FAM221A: variants seen among roughly 807,000 people sequenced by gnomAD.
The protein encoded by FAM221A is family with sequence similarity 221 member A.
FAM221A carries 43 observed loss-of-function variants against 37.6 expected under a neutral mutation model. The ratio of observed to expected loss-of-function variants is 1.15; its 90% CI spans 0.90 to 1.48. FAM221A has a LOEUF of 1.48. FAM221A is among the 40% of genes most tolerant of loss of function. FAM221A has a pLI of 0.00. For missense variants in FAM221A, 361 were observed against 361.5 expected, an observed-to-expected ratio of 1.00 and a Z score of 0.01; for synonymous variants, 135 against 132.9, an observed-to-expected ratio of 1.02 and a Z score of -0.11.
Position 23,702,119 on chromosome 7 carries a change from G to A in FAM221A, c.852G>A (p.Lys284=). The part of the protein sequence containing the change: ...QERMKMEKAA[K]WKGKAPLPSA... ...AGATGAAAATGGAAAAGGCTGCTAA[G>A]TGGAAAGGAAAAGCTCCATTGCCAT... Residue 284 remains lysine (K), a synonymous_variant, in exon 7 of 7, where the codon AAG becomes AAA. Coordinates refer to ENST00000344962, the MANE Select transcript of FAM221A (RefSeq NM_199136.5). 6.2e-7 allele frequency: 1 copy of A among 1,601,574 alleles called. No individual in the cohort carries two copies. Among genetic ancestry groups the A allele is most frequent in the Non-Finnish European group, 8.5e-7 (1 of 1,173,498 alleles).
chr7:23,697,205 C>G (rs531661424), intron 4 of FAM221A, among the ~76,000 whole-genome samples: 1 of 152,252 alleles, frequency 6.6e-6, no homozygotes, highest in East Asian at 1.9e-4. Context: ...CATGTTCCCA[C>G]ATGCCCCATG....
Position 23,689,438 on chromosome 7 carries a change from C to G in FAM221A, c.409C>G (p.Pro137Ala), listed in dbSNP as rs1398512508. The G allele has an allele frequency of 3.8e-6, 6 of 1,570,610 alleles. No homozygotes were observed. In the Admixed American group the frequency reaches 1.0e-4, roughly 26 times the overall value. ...CTTTGCTGATCAGCACAGTGCTGCGCCTGGCTTTACATGCAATACATGTGA... is the reference window on the plus strand; with the variant it reads ...CTTTGCTGATCAGCACAGTGCTGCGGCTGGCTTTACATGCAATACATGTGA... ...KHFADQHSAAPGFTCNTCSKC... is the reference protein window; with the variant it reads ...KHFADQHSAAAGFTCNTCSKC... Residue 137 changes from proline to alanine, a missense_variant, in exon 3 of 7, where the codon CCT becomes GCT. Transcript: ENST00000344962.
intron 1 of FAM221A, chr7:23,680,781 G>T (rs1353914090): frequency 2.0e-5 from 3 of 153,550 alleles, no homozygotes; most frequent in Admixed American, 6.5e-5. Flanking sequence ...CCTTTGGCCT[G>T]AGGACGCGGT....
intron 5 of FAM221A, among the ~76,000 whole-genome samples, chr7:23,698,657 G>T (rs187564579): frequency 3.9e-5 from 6 of 152,126 alleles, no homozygotes; most frequent in Admixed American, 2.0e-4. Flanking sequence ...ATAACCATAG[G>T]TTAGCAGGGT....
chr7:23,689,258 TC>T lies in FAM221A; in HGVS notation c.240-9del, dbSNP rs1430235012. ...TTGTGTTTATATTTCTCTCTCTTTCTCCTTTTTTAGGTATAAACAACATAAA... is the reference window on the plus strand; with the variant it reads ...TTGTGTTTATATTTCTCTCTCTTTCTCTTTTTTAGGTATAAACAACATAAA... On this transcript the variant is annotated splice_polypyrimidine_tract_variant and intron_variant, in intron 2 of 6. Transcript: ENST00000344962. 6.7e-7 allele frequency: 1 copy of T among 1,502,926 alleles called. No homozygotes were observed. Among genetic ancestry groups the T allele is most frequent in the Non-Finnish European group, 9.1e-7 (1 of 1,103,346 alleles). The allele number at this position is 1,502,926 out of a possible 1,614,324, so 93.1% of individuals were successfully genotyped here. A position where few individuals can be genotyped will look rare whatever the true frequency, so the allele number is the denominator to read the frequency against.
chr7:23,702,231 C>A lies in FAM221A; in HGVS notation c.*67C>A, dbSNP rs1385125102. ...TCATGTTTATTTAAATGTAATAATA[C>A]AGTTTATTTTTCCTGAAATTATTTA... On this transcript the variant is annotated 3_prime_UTR_variant, in exon 7 of 7. Coordinates refer to ENST00000344962, the MANE Select transcript of FAM221A (RefSeq NM_199136.5). 3.1e-6 allele frequency: 3 copies of A among 980,826 alleles called. No homozygotes were observed. The highest frequency in any genetic ancestry group is 2.9e-6 in the Non-Finnish European group (2 of 686,954). 60.8% of individuals were successfully genotyped at this position (980,826 alleles called of 1,614,324 possible).
intron 1 of FAM221A, among the ~76,000 whole-genome samples, chr7:23,683,349 C>T (rs955335375): frequency 6.6e-6 from 1 of 152,174 alleles, no homozygotes; most frequent in Non-Finnish European, 1.5e-5. Flanking sequence ...ACCTAACACA[C>T]AGATGTGGTT....
At chr7:23,697,137 G>C (rs563761206) in intron 4 of FAM221A, among the ~76,000 whole-genome samples, 1 of 152,222 alleles carries the variant, frequency 6.6e-6, no homozygotes, top group Non-Finnish European at 1.5e-5. Context: ...GAGATCAGTA[G>C]CACATGCAGC....
chr7:23,684,673 G>T lies in FAM221A; in HGVS notation c.239+1G>T. On this transcript the variant is annotated splice_donor_variant, in intron 2 of 6. Coordinates refer to ENST00000344962, the MANE Select transcript of FAM221A (RefSeq NM_199136.5). LOFTEE classifies it high-confidence loss of function. ...AGACACTGTGTTTTTGTACACATAG[G>T]TAAGATACTTTATTGCAAAGTTTTT... is the stretch of plus-strand genomic sequence containing the variant. 6.3e-7 allele frequency: 1 copy of T among 1,582,148 alleles called. No homozygotes were observed. Among genetic ancestry groups the T allele is most frequent in the Non-Finnish European group, 8.6e-7 (1 of 1,167,428 alleles).
intron 5 of FAM221A, among the ~76,000 whole-genome samples, chr7:23,700,126 G>A (rs1285880089): frequency 6.6e-6 from 1 of 151,874 alleles, no homozygotes; most frequent in Non-Finnish European, 1.5e-5. Flanking sequence ...GATTGAGGGT[G>A]AATTCATATG....
intron 6 of FAM221A, among the ~76,000 whole-genome samples, chr7:23,701,087 G>A (rs1325188163): frequency 6.6e-6 from 1 of 151,992 alleles, no homozygotes; most frequent in Non-Finnish European, 1.5e-5. Context: ...CATAAAGATT[G>A]GATAAATACG....
Position 23,691,543 on chromosome 7 carries a change from C to T in FAM221A, c.584C>T (p.Thr195Ile), listed in dbSNP as rs764370088. Residue 195 changes from threonine to isoleucine, a missense_variant, in exon 4 of 7, where the codon ACT becomes ATT. By Grantham distance (89) the Thr-to-Ile change is moderately conservative. Coordinates refer to ENST00000344962, the MANE Select transcript of FAM221A (RefSeq NM_199136.5). ...DIPYAAMGGL[T>I]GFSSLAEGYM... ...CCTTATGCAGCCATGGGAGGATTAA[C>T]TGGTTTCAGCTCGCTGGCGGAAGGC... is the stretch of plus-strand genomic sequence containing the variant. 1 of 1,614,180 alleles carries T rather than the reference C, an allele frequency of 6.2e-7. No homozygotes were observed. The highest frequency in any genetic ancestry group is 8.5e-7 in the Non-Finnish European group (1 of 1,180,036).
chr7:23,700,909 T>C (rs755314079), intron 6 of FAM221A, 41 bp downstream of exon 6: 7 of 1,260,696 alleles, frequency 5.6e-6, no homozygotes, highest in Non-Finnish European at 8.0e-6. Flanking sequence ...AGCATTTACT[T>C]GTAGCAAAAG....
At position 23,692,134 on chromosome 7, in the gene FAM221A, G is replaced by A. The variant is rs1281624483; in HGVS notation, c.637+538G>A. The A allele has an allele frequency of 4.6e-6, 4 of 867,440 alleles. No individual in the cohort carries two copies. In the African/African-American group the frequency reaches 7.2e-5, roughly 16 times the overall value. The allele number at this position is 867,440 out of a possible 1,614,324, so 53.7% of individuals were successfully genotyped here. Reference sequence around the variant, plus strand: ...ATATCTTCTTGCATACATATATGTTGTAAATAATGTAGGGAAAGTTTAATA... The same window carrying A: ...ATATCTTCTTGCATACATATATGTTATAAATAATGTAGGGAAAGTTTAATA... On this transcript the variant is annotated intron_variant, in intron 4 of 6. Coordinates refer to ENST00000344962, the MANE Select transcript of FAM221A (RefSeq NM_199136.5).
Position 23,689,307 on chromosome 7 carries a change from A to C in FAM221A, c.278A>C (p.Gln93Pro), listed in dbSNP as rs765995001. The C allele has an allele frequency of 6.4e-7, 1 of 1,574,570 alleles. No homozygotes were observed. The highest frequency in any genetic ancestry group is 1.1e-5 in the South Asian group (1 of 88,298). ...QHKTDLEAIP[Q>P]QCPIDLPCQV... ...AAAACTGACTTGGAAGCGATTCCTC[A>C]GCAGTGCCCCATTGATCTGCCCTGC... Residue 93 changes from glutamine (Q) to proline (P), a missense_variant, in exon 3 of 7, where the codon CAG becomes CCG. By Grantham distance (76) the Gln-to-Pro change is moderately conservative. Coordinates refer to ENST00000344962, the MANE Select transcript of FAM221A (RefSeq NM_199136.5).
intron 4 of FAM221A, 65 bp downstream of exon 4, chr7:23,691,661 G>A: frequency 7.6e-7 from 1 of 1,319,126 alleles, no homozygotes; most frequent in Non-Finnish European, 1.1e-6. Context: ...CAATAGTGAA[G>A]CCTTATATTT....
chr7:23,680,263 C>T lies in FAM221A; in HGVS notation c.45C>T (p.Asp15=). The T allele has an allele frequency of 6.5e-7, 1 of 1,548,400 alleles. No homozygotes were observed. Among genetic ancestry groups the T allele is most frequent in the Non-Finnish European group, 8.7e-7 (1 of 1,145,828 alleles). Residue 15 remains aspartate, a synonymous_variant, in exon 1 of 7, where the codon GAC becomes GAT. Coordinates refer to ENST00000344962, the MANE Select transcript of FAM221A (RefSeq NM_199136.5). ...CTCTCGGCGGCGCGGCGGCGGTGGA[C>T]GAGTACCTGGAGTACCGGAGGTGAG... ...TLPLGGAAAV[D]EYLEYRRIVG...
intron 5 of FAM221A, among the ~76,000 whole-genome samples, chr7:23,700,412 C>T (rs1785349863): frequency 6.6e-6 from 1 of 152,208 alleles, no homozygotes; most frequent in African/African-American, 2.4e-5. Flanking sequence ...ACTATCATTA[C>T]TTATGGTTGC....
At chr7:23,699,088 G>A (rs905863253) in intron 5 of FAM221A, among the ~76,000 whole-genome samples, 1 of 151,182 alleles carries the variant, frequency 6.6e-6, no homozygotes, top group African/African-American at 2.4e-5. Context: ...GTTCCTCAGT[G>A]CTAATGAATG....
Sources: allele counts gnomAD v4.1 joint callset (sites outside exome capture counted in the v4.1 genomes callset), GRCh38; gene constraint gnomAD v4.1.1; transcripts MANE v1.5; gene names NCBI Gene and HGNC (gene_info 2026-07-23, HGNC 2026-07-21).